The following B4GALT6 variants were observed in gnomAD, a reference collection of about 807,000 sequenced individuals.
B4GALT6 encodes beta-1,4-galactosyltransferase 6.
A neutral mutation model predicts 46.3 loss-of-function variants in B4GALT6; 14 were observed. That is an observed-to-expected ratio of 0.30 (90% CI 0.20 to 0.47). B4GALT6 has a LOEUF of 0.47. Among genes scored for constraint, B4GALT6 ranks in the 20% least tolerant of loss-of-function variants. B4GALT6 has a pLI of 0.99. For synonymous variants in B4GALT6, 168 were observed against 162.0 expected (o/e 1.04, Z -0.28); for missense variants, 386 against 480.1 (o/e 0.80, Z 1.83).
At chr18:31,649,455 C>T (rs1284503981) in intron 3 of B4GALT6, among the ~76,000 whole-genome samples, 1 of 151,444 alleles carries the variant, frequency 6.6e-6, no homozygotes, top group African/African-American at 2.4e-5. Flanking sequence ...CCATCAGGTG[C>T]TAAAATATTT....
At chr18:31,657,334 A>G (rs987323229) in intron 3 of B4GALT6, among the ~76,000 whole-genome samples, 1 of 152,204 alleles carries the variant, frequency 6.6e-6, no homozygotes, top group Non-Finnish European at 1.5e-5. Flanking sequence ...ACACAGTAAT[A>G]GTTAAGGGAA....
the B4GALT6 span, among the ~76,000 whole-genome samples, chr18:31,696,925 G>A: frequency 2.0e-5 from 3 of 152,148 alleles, no homozygotes; most frequent in African/African-American, 7.2e-5. Context: ...CAGCACAATA[G>A]CCAATTAGTT....
At chr18:31,638,059 C>T (rs1316057627) in intron 5 of B4GALT6, among the ~76,000 whole-genome samples, 1 of 152,068 alleles carries the variant, frequency 6.6e-6, no homozygotes, top group Admixed American at 6.6e-5. Flanking sequence ...ATAAGCTGTA[C>T]AGTTATTTTA....
intron 5 of B4GALT6, among the ~76,000 whole-genome samples, chr18:31,638,362 C>T (rs554386447): frequency 1.3e-5 from 2 of 151,994 alleles, no homozygotes; most frequent in Non-Finnish European, 2.9e-5. Flanking sequence ...CCTGTATCTA[C>T]TAAAAATATA....
the B4GALT6 span, among the ~76,000 whole-genome samples, chr18:31,692,746 T>C: frequency 6.6e-6 from 1 of 152,154 alleles, no homozygotes; most frequent in African/African-American, 2.4e-5. Context: ...TTATAAAAAT[T>C]ATTGTTATTT....
intron 6 of B4GALT6, among the ~76,000 whole-genome samples, chr18:31,627,528 G>T (rs184296225): frequency 1.3e-5 from 2 of 152,048 alleles, no homozygotes; most frequent in Non-Finnish European, 2.9e-5. Flanking sequence ...AATTATAAAC[G>T]CATTATTTAT....
chr18:31,708,199 C>T, the B4GALT6 span, among the ~76,000 whole-genome samples: 1 of 152,160 alleles, frequency 6.6e-6, no homozygotes, highest in Non-Finnish European at 1.5e-5. Context: ...CTGAAACACA[C>T]CAAATTTTGA....
At position 31,625,584 on chromosome 18, in the gene B4GALT6, T is replaced by C. The variant is rs1303383880; in HGVS notation, c.*30A>G. 6.2e-6 allele frequency: 10 copies of C among 1,612,368 alleles called. No homozygotes were observed. The highest frequency in any genetic ancestry group is 1.3e-5 in the African/African-American group (1 of 74,888). ...GCTCCAAGTTTATGATCCAGCATTG[T>C]GGTCTACCTTGCCACGACAGCCACT... On this transcript the variant is annotated 3_prime_UTR_variant, in exon 9 of 9. Transcript: ENST00000306851.
intron 3 of B4GALT6, among the ~76,000 whole-genome samples, chr18:31,647,283 A>G (rs752590862): frequency 1.3e-5 from 2 of 152,196 alleles, no homozygotes; most frequent in Admixed American, 1.3e-4. Flanking sequence ...TTGCTTCAAC[A>G]GCTGTAATCA....
In B4GALT6 at chr18:31,626,390, A is replaced by T; in HGVS notation, c.900-6T>A. On this transcript the variant is annotated splice_region_variant and splice_polypyrimidine_tract_variant and intron_variant, in intron 7 of 8. Transcript: ENST00000306851. Reference sequence around the variant, plus strand: ...TATATCCAGCATAGTGAACTCTACAATGCCATATATGGAAATGAAAATATA... The same window carrying T: ...TATATCCAGCATAGTGAACTCTACATTGCCATATATGGAAATGAAAATATA... 7.1e-7 allele frequency: 1 copy of T among 1,413,074 alleles called. No homozygotes were observed. The highest frequency in any genetic ancestry group is 9.8e-7 in the Non-Finnish European group (1 of 1,016,152). 87.5% of individuals were successfully genotyped at this position (1,413,074 alleles called of 1,614,324 possible).
rs2073790921 is a variant in B4GALT6 at position 31,631,487 on chromosome 18, CTATAT to C, written c.589-346_589-342del. On this transcript the variant is annotated intron_variant, in intron 5 of 8. Transcript: ENST00000306851. The stretch of plus-strand genomic sequence containing the variant: ...CAAATACACTGTTTAAATTTACTTA[CTATAT>C]TATTTTATAATTTAATAACATAGAA... Among the ~76,000 whole-genome samples the C allele has an allele frequency of 2.0e-5, 3 of 152,096 alleles. No individual in the cohort carries two copies. The South Asian group carries it at 6.2e-4, about 31-fold the overall frequency.
chr18:31,672,754 T>C (rs1475332418), intron 1 of B4GALT6, among the ~76,000 whole-genome samples: 4 of 152,218 alleles, frequency 2.6e-5, no homozygotes, highest in Non-Finnish European at 5.9e-5. Context: ...AGCATGGAGT[T>C]GCATAACTTG....
chr18:31,713,326 C>T, the B4GALT6 span, among the ~76,000 whole-genome samples: 9 of 152,060 alleles, frequency 5.9e-5, no homozygotes, highest in Admixed American at 5.9e-4. Context: ...CACTCCAGCC[C>T]GGGCAATAGC....
chr18:31,690,911 A>C, the B4GALT6 span, among the ~76,000 whole-genome samples: 1 of 152,030 alleles, frequency 6.6e-6, no homozygotes, highest in Admixed American at 6.5e-5. Context: ...AAAACCAAAC[A>C]CCGCATGTTC....
intron 6 of B4GALT6, among the ~76,000 whole-genome samples, chr18:31,628,409 GTGTCTGTGTGCTTAT>G (rs1355468124): frequency 1.2e-4 from 19 of 152,300 alleles, no homozygotes; most frequent in Admixed American, 1.2e-3. Flanking sequence ...ATGAATAAAT[GTGTCTGTGTGCTTAT>G]TGACATGTAT....
rs2144464781 is a variant in B4GALT6, at chr18:31,625,373, C to T, written c.*241G>A. ...TCTTCGGAGGGAGCTCTCTTAACTTCCGATCTTAAGTAGTGGCTTCCCGTT... is the reference window on the plus strand; with the variant it reads ...TCTTCGGAGGGAGCTCTCTTAACTTTCGATCTTAAGTAGTGGCTTCCCGTT... On this transcript the variant is annotated 3_prime_UTR_variant, in exon 9 of 9. Coordinates refer to ENST00000306851, the MANE Select transcript of B4GALT6 (RefSeq NM_004775.5). 4.9e-6 allele frequency: 2 copies of T among 407,230 alleles called. No individual in the cohort carries two copies. Among genetic ancestry groups the T allele is most frequent in the East Asian group, 8.0e-5 (2 of 24,928 alleles). The allele number at this position is 407,230 out of a possible 1,614,324, so 25.2% of individuals were successfully genotyped here.
intron 1 of B4GALT6, among the ~76,000 whole-genome samples, chr18:31,676,309 G>C (rs2074414415): frequency 6.6e-6 from 1 of 152,064 alleles, no homozygotes. Flanking sequence ...ACTTCATATA[G>C]CTACTTAAAT....
At chr18:31,700,292 A>G in the B4GALT6 span, among the ~76,000 whole-genome samples, 13 of 152,354 alleles carry the variant, frequency 8.5e-5, no homozygotes, top group African/African-American at 2.9e-4. Flanking sequence ...AGAAAGCCAC[A>G]TAGACAAGAA....
At chr18:31,691,166 C>G in the B4GALT6 span, among the ~76,000 whole-genome samples, 2 of 151,802 alleles carry the variant, frequency 1.3e-5, no homozygotes, top group Admixed American at 6.6e-5. Context: ...TTTAAAAAGT[C>G]ATTTTCTGAA....
Sources: gnomAD v4.1 joint callset for allele counts (sites outside exome capture counted in the v4.1 genomes callset) on GRCh38, gnomAD v4.1.1 for gene constraint, MANE v1.5 for transcripts, NCBI Gene and HGNC (gene_info 2026-07-23, HGNC 2026-07-21) for gene names.